Variants in MAP2K4 observed in about 807,000 individuals in gnomAD.
MAP2K4 encodes mitogen-activated protein kinase kinase 4, also known as dual specificity mitogen-activated protein kinase kinase 4.
In MAP2K4, 4 loss-of-function variants were observed where a neutral mutation model predicts 48.5. The observed-to-expected ratio is 0.08, with a 90% CI of 0.04 to 0.19. The LOEUF (loss-of-function observed/expected upper bound fraction) is 0.19. Ranked by LOEUF, MAP2K4 falls within the 10% of genes least tolerant of loss-of-function variation. MAP2K4 has a pLI of 1.00. For synonymous variants in MAP2K4, 166 were observed against 173.1 expected (o/e 0.96, Z 0.32); for missense variants, 258 against 493.3 (o/e 0.52, Z 4.52).
At position 12,143,680 on chromosome 17, in the gene MAP2K4, A is replaced by G. The variant is rs1973445937; in HGVS notation, c.*2420A>G. The G allele has an allele frequency of 4.3e-6, 1 of 230,742 alleles. No individual in the cohort carries two copies. The highest frequency in any genetic ancestry group is 8.6e-6 in the Non-Finnish European group (1 of 116,528). 14.3% of individuals were successfully genotyped at this position (230,742 alleles called of 1,614,324 possible). ...CATGGAATCGAAGTGTTTATGTAAT[A>G]GTTCTATCCTTTTGCCTGCAGGTCA... On this transcript the variant is annotated 3_prime_UTR_variant, in exon 11 of 11. Transcript: ENST00000353533.
chr17:12,093,679 C>T (rs1189189277), intron 3 of MAP2K4, among the ~76,000 whole-genome samples: 2 of 152,034 alleles, frequency 1.3e-5, no homozygotes, highest in African/African-American at 2.4e-5. Context: ...GAAAAAAATA[C>T]ATTTGTTAAC....
chr17:12,127,057 C>T (rs1022638890), intron 8 of MAP2K4, among the ~76,000 whole-genome samples: 1 of 152,104 alleles, frequency 6.6e-6, no homozygotes, highest in African/African-American at 2.4e-5. Context: ...TTACATGTTT[C>T]TAGGATCTTC....
chr17:12,124,631 T>A (rs1362526961), intron 7 of MAP2K4: 1 of 152,218 alleles, frequency 6.6e-6, no homozygotes, highest in African/African-American at 2.4e-5. Context: ...TGTTTGTCAC[T>A]CGTTGCCCCA....
intron 7 of MAP2K4, among the ~76,000 whole-genome samples, chr17:12,114,840 G>A (rs1477946922): frequency 2.0e-5 from 3 of 152,172 alleles, no homozygotes; most frequent in African/African-American, 7.2e-5. Flanking sequence ...CGTCATTCTT[G>A]TGCAGAGATA....
chr17:12,103,300 G>T (rs574177759), intron 4 of MAP2K4, among the ~76,000 whole-genome samples: 11 of 151,658 alleles, frequency 7.3e-5, no homozygotes, highest in Admixed American at 7.2e-4. Flanking sequence ...TCCCACCTTG[G>T]CCCCCTAAAG....
chr17:12,024,736 G>A (rs763170695), intron 1 of MAP2K4, among the ~76,000 whole-genome samples: 3 of 152,028 alleles, frequency 2.0e-5, no homozygotes, highest in Non-Finnish European at 4.4e-5. Context: ...TTGCATATTA[G>A]GGCCTCATTC....
intron 1 of MAP2K4, among the ~76,000 whole-genome samples, chr17:12,043,285 T>C (rs560987349): frequency 6.6e-6 from 1 of 152,380 alleles, no homozygotes; most frequent in East Asian, 1.9e-4. Context: ...CAATTACAAA[T>C]ATTAATGGAA....
chr17:12,139,820 T>C lies in MAP2K4; in HGVS notation c.1041-19T>C. ...AAATGAATCTACATTTTAATAATGT[T>C]ATTTTTATGTTATTTTAGCCTTACG... On this transcript the variant is annotated intron_variant, in intron 9 of 10. Transcript: ENST00000353533. The C allele has an allele frequency of 6.5e-7, 1 of 1,548,960 alleles. No homozygotes were observed. Among genetic ancestry groups the C allele is most frequent in the Non-Finnish European group, 8.8e-7 (1 of 1,130,360 alleles).
intron 4 of MAP2K4, among the ~76,000 whole-genome samples, chr17:12,100,499 C>T (rs1361183222): frequency 6.6e-6 from 1 of 152,018 alleles, no homozygotes; most frequent in East Asian, 1.9e-4. Flanking sequence ...CAGTTTTTGT[C>T]TGTTACTAAT....
intron 1 of MAP2K4, among the ~76,000 whole-genome samples, chr17:12,034,771 C>T (rs942607252): frequency 6.6e-6 from 1 of 152,180 alleles, no homozygotes; most frequent in African/African-American, 2.4e-5. Context: ...CTGTCCTGGT[C>T]ACCTTTGCTC....
At chr17:12,113,411 C>G (rs771556238) in intron 7 of MAP2K4, 51 bp downstream of exon 7, 1 of 1,592,990 alleles carries the variant, frequency 6.3e-7, no homozygotes, top group Non-Finnish European at 8.6e-7. Context: ...CACAGAGAGC[C>G]TGTGCTCTTT....
At position 12,064,107 on chromosome 17, in the gene MAP2K4, A is replaced by G. The variant is rs368677688; in HGVS notation, c.218+9116A>G. On this transcript the variant is annotated intron_variant, in intron 2 of 10. Coordinates refer to ENST00000353533, the MANE Select transcript of MAP2K4 (RefSeq NM_003010.4). ...TATCTGACAAAGGACTTTTGTATAT[A>G]TAATAAACCAAAACTCAAAACAACC... Among the ~76,000 whole-genome samples the G allele has an allele frequency of 1.8e-4, 28 of 152,234 alleles. No individual in the cohort carries two copies. In the East Asian group the frequency reaches 4.6e-3, roughly 25 times the overall value.
intron 1 of MAP2K4, among the ~76,000 whole-genome samples, chr17:12,041,762 G>C (rs1969791800): frequency 6.6e-6 from 1 of 152,170 alleles, no homozygotes. Context: ...TCAAACATTT[G>C]AGCTTCGATT....
chr17:12,114,387 GGT>G (rs61666948), intron 7 of MAP2K4, among the ~76,000 whole-genome samples: 88,873 of 148,944 alleles, frequency 0.6, 27,609 homozygotes, highest in South Asian at 0.73. Flanking sequence ...ATGTAAAAGC[GGT>G]GTGTGTGTGT....
At chr17:12,125,546 AC>A (rs1159582046) in intron 8 of MAP2K4, among the ~76,000 whole-genome samples, 175 bp downstream of exon 8, 1 of 152,194 alleles carries the variant, frequency 6.6e-6, no homozygotes, top group Non-Finnish European at 1.5e-5. Flanking sequence ...ATCAAATCAG[AC>A]TTGATTATTT....
At chr17:12,102,041 TGAGTAGATACAGTGA>T (rs1235131693) in intron 4 of MAP2K4, among the ~76,000 whole-genome samples, 1 of 152,148 alleles carries the variant, frequency 6.6e-6, no homozygotes, top group Non-Finnish European at 1.5e-5. Flanking sequence ...AGTATGCTGT[TGAGTAGATACAGTGA>T]GAGTAGACAT....
intron 2 of MAP2K4, among the ~76,000 whole-genome samples, chr17:12,055,604 T>G (rs1169484621): frequency 6.6e-6 from 1 of 152,080 alleles, no homozygotes; most frequent in Non-Finnish European, 1.5e-5. Flanking sequence ...AAGGTATGAT[T>G]AAAAAGCTGG....
chr17:12,023,227 A>G (rs1969147793), intron 1 of MAP2K4, among the ~76,000 whole-genome samples: 1 of 152,228 alleles, frequency 6.6e-6, no homozygotes, highest in Non-Finnish European at 1.5e-5. Context: ...TGTTGTCTAG[A>G]ACAGTCTGTT....
At chr17:12,072,133 T>TG (rs1970836852) in intron 2 of MAP2K4, among the ~76,000 whole-genome samples, 1 of 152,168 alleles carries the variant, frequency 6.6e-6, no homozygotes, top group African/African-American at 2.4e-5. Flanking sequence ...ACAGACTTCA[T>TG]GGAGATGATC....
Sources: allele counts gnomAD v4.1 joint callset (sites outside exome capture counted in the v4.1 genomes callset), GRCh38; gene constraint gnomAD v4.1.1; transcripts MANE v1.5; gene names NCBI Gene and HGNC (gene_info 2026-07-23, HGNC 2026-07-21).